CREBRF: variants seen among roughly 807,000 people sequenced by gnomAD.
CREBRF encodes the protein CREB3 regulatory factor.
CREBRF carries 5 observed loss-of-function variants against 66.1 expected under a neutral mutation model. That is an observed-to-expected ratio of 0.08 (90% confidence interval 0.04 to 0.16). The LOEUF (loss-of-function observed/expected upper bound fraction) is 0.16, where lower values mean the gene tolerates loss of function less well. Among genes scored for constraint, CREBRF ranks in the 10% least tolerant of loss-of-function variants. CREBRF has a pLI of 1.00. For missense variants in CREBRF, 531 were observed against 744.9 expected (o/e 0.71, Z 3.34); for synonymous variants, 229 against 264.4 (o/e 0.87, Z 1.30).
chr5:173,097,492 G>T (rs535923066), intron 4 of CREBRF, among the ~76,000 whole-genome samples: 1 of 152,146 alleles, frequency 6.6e-6, no homozygotes, highest in East Asian at 1.9e-4. Context: ...TGATCTGCCC[G>T]CCTCGGCCTC....
chr5:173,056,577 G>A, intron 1 of CREBRF, 98 bp downstream of exon 1: 1 of 395,052 alleles, frequency 2.5e-6, no homozygotes, highest in Non-Finnish European at 4.5e-6. Flanking sequence ...AGGCAGCAGC[G>A]CTGGGGCTCT....
At chr5:173,098,837 A>T (rs965227009) in intron 4 of CREBRF, among the ~76,000 whole-genome samples, 2 of 151,570 alleles carry the variant, frequency 1.3e-5, no homozygotes, top group Admixed American at 1.3e-4. Context: ...TTATTATTAT[A>T]TAAAGACCTT....
chr5:173,088,252 ATTCTTTT>A (rs377432810), intron 3 of CREBRF, among the ~76,000 whole-genome samples: 1 of 109,414 alleles, frequency 9.1e-6, no homozygotes, highest in African/African-American at 3.5e-5. Context: ...CATCAAATAC[ATTCTTTT>A]TTTTTTTTTT....
At chr5:173,100,872 A>C (rs1758614134) in intron 4 of CREBRF, among the ~76,000 whole-genome samples, 1 of 152,146 alleles carries the variant, frequency 6.6e-6, no homozygotes, top group African/African-American at 2.4e-5. Flanking sequence ...CCCTTAAGAG[A>C]GAGGGTCTCA....
In CREBRF at chr5:173,091,321, A is replaced by G; in HGVS notation, c.1142A>G (p.Glu381Gly). ...TTCGGCAGTGAGCATGAACTGTCTG[A>G]AAATGAGGAGGAGGAAGAAGAGGAA... ...EGFGSEHELS[E>G]NEEEEEEEED... Residue 381 changes from glutamate (E) to glycine (G), a missense_variant, in exon 4 of 9, where the codon GAA becomes GGA. Glu to Gly is a moderately conservative substitution (Grantham distance 98). Around this residue, in one of 5 missense-constraint regions of CREBRF, gnomAD observed 309 missense variants for 341.4 expected, o/e 0.90. Coordinates refer to ENST00000296953, the MANE Select transcript of CREBRF (RefSeq NM_153607.3). The G allele has an allele frequency of 6.2e-7, 1 of 1,613,354 alleles. No homozygotes were observed. The highest frequency in any genetic ancestry group is 8.5e-7 in the Non-Finnish European group (1 of 1,179,524).
intron 1 of CREBRF, among the ~76,000 whole-genome samples, chr5:173,073,220 A>G (rs758543024): frequency 1.3e-5 from 2 of 152,228 alleles, no homozygotes; most frequent in Non-Finnish European, 2.9e-5. Context: ...GGAGGCATCC[A>G]TTTACTGAAT....
At chr5:173,105,465 T>TTTTA (rs535849329) in intron 4 of CREBRF, among the ~76,000 whole-genome samples, 74 of 152,028 alleles carry the variant, frequency 4.9e-4, no homozygotes, top group African/African-American at 1.3e-3. Flanking sequence ...AACAAGGGCC[T>TTTTA]TTTATTTATT....
In CREBRF at chr5:173,080,729, GAA is replaced by G; in HGVS notation, c.-40_-39del. On this transcript the variant is annotated 5_prime_UTR_variant, in exon 2 of 9. Transcript: ENST00000296953. ...AAGCTGGAAAGGAATTTACAAACAA[GAA>G]AAAAAAGAAGTTTGGAATCGGATTC... is the stretch of plus-strand genomic sequence containing the variant. 1 of 1,598,524 alleles carries G rather than the reference GAA, an allele frequency of 6.3e-7. No homozygotes were observed. The highest frequency in any genetic ancestry group is 8.6e-7 in the Non-Finnish European group (1 of 1,168,936).
chr5:173,136,006 C>T lies in CREBRF; in HGVS notation c.*2261C>T, dbSNP rs986325647. 1.3e-5 allele frequency: 2 copies of T among 152,334 alleles called. No homozygotes were observed. The highest frequency in any genetic ancestry group is 4.8e-5 in the African/African-American group (2 of 41,406). The allele number at this position is 152,334 out of a possible 1,614,324, so 9.4% of individuals were successfully genotyped here. ...TAGGTTGGAGAAGGCAAAACACAGG[C>T]TTGCAAGTTGGAAGTATATGAAGTC... On this transcript the variant is annotated 3_prime_UTR_variant, in exon 9 of 9. Transcript: ENST00000296953.
At chr5:173,100,131 A>AATTTTT (rs1333613309) in intron 4 of CREBRF, among the ~76,000 whole-genome samples, 1 of 42,864 alleles carries the variant, frequency 2.3e-5, no homozygotes, top group Non-Finnish European at 4.6e-5. Flanking sequence ...TATATATATA[A>AATTTTT]TTTTTTTTTT....
At chr5:173,062,597 G>T (rs1473911725) in intron 1 of CREBRF, among the ~76,000 whole-genome samples, 1 of 151,268 alleles carries the variant, frequency 6.6e-6, no homozygotes, top group Non-Finnish European at 1.5e-5. Flanking sequence ...AATATTCCTT[G>T]CAGGTATTAA....
At chr5:173,123,237 A>C in intron 8 of CREBRF, 35 bp downstream of exon 8, 1 of 1,575,688 alleles carries the variant, frequency 6.3e-7, no homozygotes, top group Non-Finnish European at 8.6e-7. Flanking sequence ...ATAACAATTA[A>C]TAATATGTGT....
intron 8 of CREBRF, among the ~76,000 whole-genome samples, chr5:173,126,864 T>A (rs1166221331): frequency 6.6e-6 from 1 of 152,200 alleles, no homozygotes; most frequent in African/African-American, 2.4e-5. Flanking sequence ...TTAGTTGCTC[T>A]GTTTTTATAT....
rs3131912 is a variant in CREBRF, at chr5:173,135,139, G to A, written c.*1394G>A. On this transcript the variant is annotated 3_prime_UTR_variant, in exon 9 of 9. Coordinates refer to ENST00000296953, the MANE Select transcript of CREBRF (RefSeq NM_153607.3). ...CTAATTCTTTAGTTGCCACTTTTCC[G>A]ATTGATGTATTATTGTGCATGTAAT... is the stretch of plus-strand genomic sequence containing the variant. 100,658 of 152,108 alleles carry A rather than the reference G, an allele frequency of 0.66. 33,823 individuals carry two copies. Among genetic ancestry groups the A allele is most frequent in the African/African-American group, 0.72 (29,741 of 41,442 alleles). 9.4% of individuals were successfully genotyped at this position (152,108 alleles called of 1,614,324 possible).
At chr5:173,068,145 G>A (rs535932846) in intron 1 of CREBRF, 1 of 453,502 alleles carries the variant, frequency 2.2e-6, no homozygotes, top group Admixed American at 2.4e-5. Flanking sequence ...AAAAACTAAC[G>A]AGTTACTGTA....
rs1229110444 is a variant in CREBRF, at chr5:173,137,209, A to T, written c.*3464A>T. On this transcript the variant is annotated 3_prime_UTR_variant, in exon 9 of 9. Coordinates refer to ENST00000296953, the MANE Select transcript of CREBRF (RefSeq NM_153607.3). ...TGGCTTTATATTGTGCCTTACTTGT[A>T]CATTTAAAACTAAACGTCTTCATTC... 6.6e-6 allele frequency: 1 copy of T among 152,068 alleles called. No homozygotes were observed. The highest frequency in any genetic ancestry group is 1.9e-4 in the East Asian group (1 of 5,208). The allele number at this position is 152,068 out of a possible 1,614,324, so 9.4% of individuals were successfully genotyped here.
rs749558283 is a variant in CREBRF, at chr5:173,100,078, TTG to T, written c.1223-8506_1223-8505del. The stretch of plus-strand genomic sequence containing the variant: ...CCTGCCACCACACCTGGCTAATCTT[TTG>T]TGTGTGTGTGTGTGTGTGTGTGTGT... On this transcript the variant is annotated intron_variant, in intron 4 of 8. Coordinates refer to ENST00000296953, the MANE Select transcript of CREBRF (RefSeq NM_153607.3). Among the ~76,000 whole-genome samples, 383 of 69,140 alleles carry T rather than the reference TTG, an allele frequency of 5.5e-3. 5 individuals are homozygous for T. Among genetic ancestry groups the T allele is most frequent in the African/African-American group, 0.02 (330 of 16,808 alleles). 45.4% of individuals were successfully genotyped at this position (69,140 alleles called of 152,430 possible). A position where few individuals can be genotyped will look rare whatever the true frequency, so the allele number is the denominator to read the frequency against.
chr5:173,125,504 T>G (rs988381607), intron 8 of CREBRF, among the ~76,000 whole-genome samples: 1 of 152,240 alleles, frequency 6.6e-6, no homozygotes, highest in Non-Finnish European at 1.5e-5. Context: ...CTCTGAACTT[T>G]TAAAAGAAGG....
chr5:173,079,242 G>A (rs1757858942), intron 1 of CREBRF, among the ~76,000 whole-genome samples: 1 of 152,128 alleles, frequency 6.6e-6, no homozygotes, highest in African/African-American at 2.4e-5. Context: ...CTGGAGGGGA[G>A]AGTGCAGCAA....
Sources: gnomAD v4.1 joint callset for allele counts (sites outside exome capture counted in the v4.1 genomes callset) on GRCh38, gnomAD v4.1.1 for gene constraint, gnomAD v4.1.1 regional missense constraint, MANE v1.5 for transcripts, NCBI Gene and HGNC (gene_info 2026-07-23, HGNC 2026-07-21) for gene names.